The following ANKRD13C variants were observed in gnomAD, a reference collection of about 807,000 sequenced individuals.
ANKRD13C encodes the protein ankyrin repeat domain-containing protein 13C.
A neutral mutation model predicts 65.5 loss-of-function variants in ANKRD13C; 16 were observed. That is an observed-to-expected ratio of 0.24 (90% CI 0.17 to 0.37). The LOEUF (loss-of-function observed/expected upper bound fraction) is 0.37. Among genes scored for constraint, ANKRD13C ranks in the 10% least tolerant of loss-of-function variants. The pLI is 1.00. For synonymous variants in ANKRD13C, 235 were observed against 238.7 expected, an observed-to-expected ratio of 0.98 and a Z score of 0.14; for missense variants, 503 against 655.9, an observed-to-expected ratio of 0.77 and a Z score of 2.55.
intron 4 of ANKRD13C, 35 bp downstream of exon 4, chr1:70,315,446 C>T (rs752838777): frequency 1.9e-6 from 3 of 1,548,486 alleles, no homozygotes; most frequent in Non-Finnish European, 2.6e-6. Context: ...ATAATTACTT[C>T]CAAGGTGCAA....
chr1:70,330,677 C>A (rs1681756510), intron 2 of ANKRD13C, among the ~76,000 whole-genome samples: 1 of 144,526 alleles, frequency 6.9e-6, no homozygotes, highest in Middle Eastern at 3.7e-3. Context: ...CAGTTGGAAA[C>A]AACAGAATAT....
chr1:70,345,559 C>T (rs1682491418), intron 1 of ANKRD13C, among the ~76,000 whole-genome samples: 1 of 150,324 alleles, frequency 6.7e-6, no homozygotes, highest in Non-Finnish European at 1.5e-5. Context: ...GATTCTGTAA[C>T]ACCATGCATT....
chr1:70,348,553 A>T (rs1381336684), intron 1 of ANKRD13C, among the ~76,000 whole-genome samples: 1 of 152,198 alleles, frequency 6.6e-6, no homozygotes, highest in Non-Finnish European at 1.5e-5. Flanking sequence ...AGGCGTGGTG[A>T]GCCACCATGC....
At chr1:70,285,474 C>T (rs1679580489) in intron 9 of ANKRD13C, among the ~76,000 whole-genome samples, 2 of 151,832 alleles carry the variant, frequency 1.3e-5, no homozygotes, top group African/African-American at 4.8e-5. Flanking sequence ...GGATTACAGG[C>T]GTAAGCCACT....
In ANKRD13C at chr1:70,354,263, G is replaced by A. The variant is rs758953681; in HGVS notation, c.146C>T (p.Ala49Val). 1.2e-6 allele frequency: 2 copies of A among 1,613,626 alleles called. No individual in the cohort carries two copies. Among genetic ancestry groups the A allele is most frequent in the South Asian group, 1.1e-5 (1 of 91,080 alleles). The change falls in exon 1 of 13, where the codon GCT (alanine) becomes GTT (valine). Residue 49 changes from alanine to valine, a missense_variant. By Grantham distance (64) the Ala-to-Val change is moderately conservative. This residue lies in a region of ANKRD13C where 203 missense variants were observed against 177.6 expected (regional missense o/e 1.14). Transcript: ENST00000370944. The stretch of plus-strand genomic sequence containing the variant: ...ATGGTTACTGAAGATCTTATGACAA[G>A]CTTTGCCGCCCTTGCCAATCCTGCT... ...TRSRIGKGGKACHKIFSNHHH... is the reference protein window; with the variant it reads ...TRSRIGKGGKVCHKIFSNHHH...
At chr1:70,331,418 G>A (rs932193064) in intron 2 of ANKRD13C, among the ~76,000 whole-genome samples, 8 of 148,274 alleles carry the variant, frequency 5.4e-5, no homozygotes, top group South Asian at 2.1e-4. Context: ...AAAATTAGCC[G>A]GGCATGGTAA....
At chr1:70,351,376 A>C (rs1682736286) in intron 1 of ANKRD13C, among the ~76,000 whole-genome samples, 1 of 152,158 alleles carries the variant, frequency 6.6e-6, no homozygotes, top group African/African-American at 2.4e-5. Flanking sequence ...TCCAAAGAGA[A>C]TATACATCAT....
chr1:70,345,158 G>A (rs558930226), intron 1 of ANKRD13C, among the ~76,000 whole-genome samples: 3 of 152,078 alleles, frequency 2.0e-5, no homozygotes, highest in South Asian at 2.1e-4. Context: ...AGCTGGGCGC[G>A]GTGGCTCACT....
intron 4 of ANKRD13C, among the ~76,000 whole-genome samples, chr1:70,315,139 A>C (rs1681021128): frequency 6.6e-6 from 1 of 152,142 alleles, no homozygotes; most frequent in African/African-American, 2.4e-5. Flanking sequence ...AACAAACAAA[A>C]AAAACTGCCA....
intron 3 of ANKRD13C, among the ~76,000 whole-genome samples, chr1:70,323,370 C>T (rs1277158006): frequency 6.6e-6 from 1 of 152,104 alleles, no homozygotes; most frequent in Non-Finnish European, 1.5e-5. Context: ...ATAGGCTGAG[C>T]ACGGTGGCTC....
chr1:70,289,389 C>G (rs1679757948), intron 9 of ANKRD13C, among the ~76,000 whole-genome samples: 1 of 152,124 alleles, frequency 6.6e-6, no homozygotes, highest in Non-Finnish European at 1.5e-5. Context: ...GAAGAGGCAA[C>G]TGGCAAACAG....
intron 1 of ANKRD13C, among the ~76,000 whole-genome samples, chr1:70,353,290 CATA>C (rs763012133): frequency 4.6e-5 from 7 of 152,228 alleles, no homozygotes; most frequent in East Asian, 1.9e-4. Flanking sequence ...CCATAAAAAT[CATA>C]ATACTATTTT....
intron 10 of ANKRD13C, among the ~76,000 whole-genome samples, chr1:70,276,334 C>T (rs892127295): frequency 6.6e-6 from 1 of 152,048 alleles, no homozygotes; most frequent in African/African-American, 2.4e-5. Context: ...AGGATAATGA[C>T]AGGTGAGGAG....
At chr1:70,322,372 TG>T (rs1376299138) in intron 3 of ANKRD13C, among the ~76,000 whole-genome samples, 1 of 152,174 alleles carries the variant, frequency 6.6e-6, no homozygotes, top group Non-Finnish European at 1.5e-5. Context: ...TTTCATGTGA[TG>T]GAAAGTAATG....
At chr1:70,309,951 A>G (rs1175804212) in intron 5 of ANKRD13C, among the ~76,000 whole-genome samples, 1 of 152,152 alleles carries the variant, frequency 6.6e-6, no homozygotes, top group Non-Finnish European at 1.5e-5. Context: ...ACACCAAAAG[A>G]AAGTTTGCAA....
At chr1:70,347,348 C>G (rs1208291915) in intron 1 of ANKRD13C, among the ~76,000 whole-genome samples, 2 of 151,370 alleles carry the variant, frequency 1.3e-5, no homozygotes, top group Non-Finnish European at 2.9e-5. Flanking sequence ...GGAACCCAAG[C>G]ATTCTGATAA....
At chr1:70,329,469 C>T (rs1464099194) in intron 2 of ANKRD13C, among the ~76,000 whole-genome samples, 3 of 150,300 alleles carry the variant, frequency 2.0e-5, no homozygotes. Context: ...TGTGATGAGC[C>T]AAGATTGCAT....
At chr1:70,337,453 G>A (rs1021131176) in intron 1 of ANKRD13C, among the ~76,000 whole-genome samples, 5 of 152,054 alleles carry the variant, frequency 3.3e-5, no homozygotes, top group Admixed American at 1.3e-4. Flanking sequence ...GGTGGCACCC[G>A]CCTGTGATCC....
chr1:70,289,730 C>T (rs145040826), intron 9 of ANKRD13C, among the ~76,000 whole-genome samples: 153 of 152,002 alleles, frequency 1.0e-3, no homozygotes, highest in Admixed American at 1.9e-3. Flanking sequence ...CCCACCTCGG[C>T]TTCCCAAAGT....
Sources: allele counts gnomAD v4.1 joint callset (sites outside exome capture counted in the v4.1 genomes callset), GRCh38; gene constraint gnomAD v4.1.1; regional missense constraint gnomAD v4.1.1; transcripts MANE v1.5; gene names NCBI Gene and HGNC (gene_info 2026-07-23, HGNC 2026-07-21).